The following HPSE2 variants were observed in gnomAD, a reference collection of about 807,000 sequenced individuals.
HPSE2 encodes inactive heparanase-2.
HPSE2 carries 38 observed loss-of-function variants against 60.5 expected under a neutral mutation model. That is an observed-to-expected ratio of 0.63 (90% CI 0.48 to 0.82). The LOEUF (loss-of-function observed/expected upper bound fraction) is 0.82, where lower values mean the gene tolerates loss of function less well. Among genes scored for constraint, HPSE2 ranks in the 40% least tolerant of loss-of-function variants. The probability of loss-of-function intolerance (pLI) is 0.00; values close to 1 mark genes in which losing one functional copy is unlikely to be tolerated. For missense variants in HPSE2, 713 were observed against 740.4 expected, an observed-to-expected ratio of 0.96 and a Z score of 0.43; for synonymous variants, 295 against 293.2, an observed-to-expected ratio of 1.01 and a Z score of -0.06.
In HPSE2 at chr10:98,953,647, G is replaced by A. The variant is rs1323107681; in HGVS notation, c.610+190591C>T. ...TGGAGCTTGAGGATTTGGGGAAGATGGTTAAGACATATTTGTATGCTACGT... is the reference window on the plus strand; with the variant it reads ...TGGAGCTTGAGGATTTGGGGAAGATAGTTAAGACATATTTGTATGCTACGT... On this transcript the variant is annotated intron_variant, in intron 3 of 11. Coordinates refer to ENST00000370552, the MANE Select transcript of HPSE2 (RefSeq NM_021828.5). 2.6e-5 allele frequency among the ~76,000 whole-genome samples: 4 copies of A among 152,186 alleles called. No homozygotes were observed. In the East Asian group the frequency reaches 7.7e-4, roughly 29 times the overall value.
chr10:98,490,701 C>T (rs1941613991), intron 9 of HPSE2, among the ~76,000 whole-genome samples: 1 of 152,156 alleles, frequency 6.6e-6, no homozygotes, highest in African/African-American at 2.4e-5. Context: ...TGAAGCTTCT[C>T]CACATAGGAG....
chr10:98,620,887 G>T (rs1946056120), intron 7 of HPSE2, among the ~76,000 whole-genome samples, 179 bp from the exon 8 acceptor site: 1 of 152,098 alleles, frequency 6.6e-6, no homozygotes, highest in Non-Finnish European at 1.5e-5. Flanking sequence ...AAACCAAAAT[G>T]CATTAACATT....
chr10:98,601,507 C>A (rs1236795892), intron 9 of HPSE2, among the ~76,000 whole-genome samples: 6 of 152,176 alleles, frequency 3.9e-5, no homozygotes, highest in African/African-American at 1.4e-4. Context: ...TAGTTGACTA[C>A]CAACCGTGAT....
the HPSE2 span, among the ~76,000 whole-genome samples, chr10:99,242,090 A>C: frequency 5.3e-5 from 8 of 152,198 alleles, no homozygotes; most frequent in Non-Finnish European, 1.2e-4. Context: ...AGGAATAGGC[A>C]AAGGACAGTA....
chr10:99,091,787 C>A (rs1481376217), intron 3 of HPSE2, among the ~76,000 whole-genome samples: 1 of 152,120 alleles, frequency 6.6e-6, no homozygotes, highest in Non-Finnish European at 1.5e-5. Context: ...TGTAGTTCTG[C>A]CGTATCATTT....
intron 5 of HPSE2, among the ~76,000 whole-genome samples, chr10:98,715,496 G>A (rs1028264845): frequency 4.0e-5 from 6 of 151,704 alleles, no homozygotes; most frequent in African/African-American, 1.5e-4. Context: ...TCATGCTACT[G>A]ATTTCTTTTT....
At chr10:99,263,892 T>C in the HPSE2 span, among the ~76,000 whole-genome samples, 1 of 152,092 alleles carries the variant, frequency 6.6e-6, no homozygotes, top group African/African-American at 2.4e-5. Context: ...CTTGACTCCC[T>C]CTTGGAGTGG....
chr10:99,220,037 T>A (rs1439890902), intron 2 of HPSE2, among the ~76,000 whole-genome samples: 2 of 152,218 alleles, frequency 1.3e-5, no homozygotes, highest in Non-Finnish European at 2.9e-5. Flanking sequence ...ACAATGTTAG[T>A]GTCACTTTCT....
At chr10:98,693,571 C>T (rs1437873595) in intron 6 of HPSE2, among the ~76,000 whole-genome samples, 1 of 152,046 alleles carries the variant, frequency 6.6e-6, no homozygotes, top group East Asian at 1.9e-4. Context: ...AAATTTATTC[C>T]CAAAGGAAAA....
At chr10:98,681,183 C>T (rs577960851) in intron 6 of HPSE2, among the ~76,000 whole-genome samples, 7 of 151,754 alleles carry the variant, frequency 4.6e-5, no homozygotes, top group African/African-American at 9.7e-5. Flanking sequence ...GTGAGCTTGT[C>T]GAGAAAAACA....
chr10:98,606,481 C>G (rs564978547), intron 9 of HPSE2, among the ~76,000 whole-genome samples: 1 of 152,294 alleles, frequency 6.6e-6, no homozygotes, highest in South Asian at 2.1e-4. Flanking sequence ...TTCAGCCAGG[C>G]TTGAGAACCA....
intron 3 of HPSE2, among the ~76,000 whole-genome samples, chr10:98,987,304 A>C (rs1175147590): frequency 2.6e-5 from 4 of 152,200 alleles, no homozygotes; most frequent in Non-Finnish European, 5.9e-5. Context: ...CACCATGATC[A>C]AGTGGGCTTC....
intron 9 of HPSE2, among the ~76,000 whole-genome samples, chr10:98,495,406 T>C (rs549410549): frequency 1.3e-5 from 2 of 152,172 alleles, no homozygotes; most frequent in Non-Finnish European, 2.9e-5. Flanking sequence ...TCTTGGATGT[T>C]TATGTGCATG....
intron 7 of HPSE2, among the ~76,000 whole-genome samples, chr10:98,632,318 C>G (rs1388216158): frequency 6.6e-6 from 1 of 152,088 alleles, no homozygotes; most frequent in Admixed American, 6.6e-5. Flanking sequence ...CTTTTGAAAT[C>G]AGGACATTAT....
chr10:99,150,549 T>C (rs966114565), intron 2 of HPSE2, among the ~76,000 whole-genome samples: 2 of 152,082 alleles, frequency 1.3e-5, no homozygotes, highest in African/African-American at 2.4e-5. Context: ...TCAAACTCCT[T>C]GTCTCAAACA....
chr10:99,083,749 G>C (rs903704218), intron 3 of HPSE2, among the ~76,000 whole-genome samples: 1 of 152,114 alleles, frequency 6.6e-6, no homozygotes, highest in African/African-American at 2.4e-5. Context: ...TTGGGAAGAG[G>C]TATTTGTTGA....
chr10:98,785,534 G>A (rs1222998726), intron 3 of HPSE2, among the ~76,000 whole-genome samples: 2 of 65,774 alleles, frequency 3.0e-5, no homozygotes, highest in Admixed American at 1.8e-4. Context: ...GTTCCTCCTT[G>A]TACCTCTGGT....
chr10:98,944,813 C>A (rs539987157), intron 3 of HPSE2, among the ~76,000 whole-genome samples: 2 of 152,232 alleles, frequency 1.3e-5, no homozygotes, highest in East Asian at 3.9e-4. Context: ...CCATCCTTGA[C>A]CTTTTTAAGT....
intron 3 of HPSE2, among the ~76,000 whole-genome samples, chr10:99,068,270 G>C (rs370465528): frequency 6.6e-6 from 1 of 152,184 alleles, no homozygotes; most frequent in South Asian, 2.1e-4. Context: ...TTACAGCAGC[G>C]CCCCACTACT....
Sources: gnomAD v4.1 joint callset for allele counts (sites outside exome capture counted in the v4.1 genomes callset) on GRCh38, gnomAD v4.1.1 for gene constraint, MANE v1.5 for transcripts, NCBI Gene and HGNC (gene_info 2026-07-23, HGNC 2026-07-21) for gene names.